The following RPS6KB1 variants were observed in gnomAD, a reference collection of about 807,000 sequenced individuals.
The protein encoded by RPS6KB1 is ribosomal protein S6 kinase B1.
Under a neutral mutation model 70.2 loss-of-function variants are expected in RPS6KB1, and 12 were observed. That is an observed-to-expected ratio of 0.17 (90% CI 0.11 to 0.28). RPS6KB1 has a LOEUF of 0.28. RPS6KB1 is among the 10% of genes least tolerant of loss of function. The pLI, the probability that RPS6KB1 is intolerant of heterozygous loss-of-function variation, is 1.00. For missense variants in RPS6KB1, 270 were observed against 646.6 expected (o/e 0.42, Z 6.32); for synonymous variants, 175 against 211.2 (o/e 0.83, Z 1.49).
At chr17:59,912,445 A>T in intron 2 of RPS6KB1, 1 of 385,406 alleles carries the variant, frequency 2.6e-6, no homozygotes, top group Non-Finnish European at 4.8e-6. Context: ...AAAATAAACA[A>T]TTATAAAAAT....
In RPS6KB1 at chr17:59,947,731, A is replaced by G. The variant is rs1019982421; in HGVS notation, c.*943A>G. On this transcript the variant is annotated 3_prime_UTR_variant, in exon 15 of 15. Transcript: ENST00000225577. The stretch of plus-strand genomic sequence containing the variant: ...CACCAGTATTTGGTTCAAGACACCA[A>G]ATGTCTTCAGCCCATGGCTGAAGAA... The G allele has an allele frequency of 4.5e-5, 30 of 661,318 alleles. No homozygotes were observed. Among genetic ancestry groups the G allele is most frequent in the Admixed American group, 1.5e-4 (6 of 40,310 alleles). The allele number at this position is 661,318 out of a possible 1,614,324, so 41.0% of individuals were successfully genotyped here. A position where few individuals can be genotyped will look rare whatever the true frequency, so the allele number is the denominator to read the frequency against.
chr17:59,900,217 CA>C (rs1568377296), intron 1 of RPS6KB1, among the ~76,000 whole-genome samples: 52 of 136,544 alleles, frequency 3.8e-4, no homozygotes, highest in Admixed American at 1.9e-3. Flanking sequence ...CACACACACA[CA>C]CACACACACA....
Position 59,893,917 on chromosome 17 carries a change from C to T in RPS6KB1, c.141+592C>T, listed in dbSNP as rs1189183032. On this transcript the variant is annotated intron_variant, in intron 1 of 14. Coordinates refer to ENST00000225577, the MANE Select transcript of RPS6KB1 (RefSeq NM_003161.4). The surrounding 1 kb of genome is among the most constrained non-coding windows in gnomAD (Gnocchi z 4.1). ...AGGGGGCTCTGCTGCATCTTCCAAT[C>T]TTCCAGGGTTTGTTTGTTTGCTTTT... 3.1e-6 allele frequency: 3 copies of T among 982,998 alleles called. No homozygotes were observed. In the East Asian group the frequency reaches 3.4e-4, roughly 112 times the overall value. The allele number at this position is 982,998 out of a possible 1,614,324, so 60.9% of individuals were successfully genotyped here.
chr17:59,896,258 A>C (rs956228948), intron 1 of RPS6KB1, among the ~76,000 whole-genome samples: 3 of 151,824 alleles, frequency 2.0e-5, no homozygotes, highest in Non-Finnish European at 4.4e-5. Flanking sequence ...CAATGGCGCT[A>C]TCTCGGCTCA....
intron 1 of RPS6KB1, among the ~76,000 whole-genome samples, chr17:59,894,936 A>G (rs991719962): frequency 2.0e-5 from 3 of 152,140 alleles, no homozygotes; most frequent in African/African-American, 7.2e-5. Context: ...AAATAAGACT[A>G]AATCAAAATC....
intron 4 of RPS6KB1, among the ~76,000 whole-genome samples, chr17:59,921,626 A>T (rs183574058): frequency 1.3e-5 from 2 of 152,254 alleles, no homozygotes; most frequent in East Asian, 3.9e-4. Context: ...TGGATTTATT[A>T]GTTCTCCTGG....
Position 59,946,919 on chromosome 17 carries a change from C to T in RPS6KB1, c.*131C>T, listed in dbSNP as rs1255263133. ...GTCATTACATAGAACACTTCAGACA[C>T]AGGAAAAATAAACGTGGATTTTAAA... is the stretch of plus-strand genomic sequence containing the variant. On this transcript the variant is annotated 3_prime_UTR_variant, in exon 15 of 15. Coordinates refer to ENST00000225577, the MANE Select transcript of RPS6KB1 (RefSeq NM_003161.4). The surrounding 1 kb of genome is among the most constrained non-coding windows in gnomAD (Gnocchi z 4.2). 1 of 1,495,468 alleles carries T rather than the reference C, an allele frequency of 6.7e-7. No individual in the cohort carries two copies. The highest frequency in any genetic ancestry group is 8.9e-7 in the Non-Finnish European group (1 of 1,124,460). 92.6% of individuals were successfully genotyped at this position (1,495,468 alleles called of 1,614,324 possible).
intron 4 of RPS6KB1, among the ~76,000 whole-genome samples, chr17:59,918,560 G>C (rs2043094134): frequency 6.6e-6 from 1 of 151,692 alleles, no homozygotes; most frequent in African/African-American, 2.4e-5. Context: ...AGCAGATATC[G>C]GGTTTCATCA....
chr17:59,934,011 A>T lies in RPS6KB1; in HGVS notation c.689-159A>T, dbSNP rs2044096585. 1 of 617,672 alleles carries T rather than the reference A, an allele frequency of 1.6e-6. No homozygotes were observed. Among genetic ancestry groups the T allele is most frequent in the Admixed American group, 2.8e-5 (1 of 35,192 alleles). 38.3% of individuals were successfully genotyped at this position (617,672 alleles called of 1,614,324 possible). On this transcript the variant is annotated intron_variant, in intron 7 of 14. Coordinates refer to ENST00000225577, the MANE Select transcript of RPS6KB1 (RefSeq NM_003161.4). This position sits in a 1 kb window ranked among gnomAD's most constrained non-coding sequence, Gnocchi z 4.8. ...TTTGCCCTAGCCTTAAACAGTTAGC[A>T]TCCCATTTTATGGATGGTACCTTGT... is the stretch of plus-strand genomic sequence containing the variant.
rs1025767376 is a variant in RPS6KB1 at position 59,949,881 on chromosome 17, A to G, written c.*3093A>G. The G allele has an allele frequency of 5.9e-5, 9 of 152,514 alleles. No homozygotes were observed. The highest frequency in any genetic ancestry group is 8.8e-5 in the Non-Finnish European group (6 of 67,948). 9.4% of individuals were successfully genotyped at this position (152,514 alleles called of 1,614,324 possible). On this transcript the variant is annotated 3_prime_UTR_variant, in exon 15 of 15. Transcript: ENST00000225577. ...CCTTGGATTATATATTTAATATAGG[A>G]CCTATTTTGAATATTCAGTTAATCA...
rs1330269711 is a variant in RPS6KB1 at position 59,933,797 on chromosome 17, AGTATGTTTATT to A, written c.689-371_689-361del. 2.6e-5 allele frequency among the ~76,000 whole-genome samples: 4 copies of A among 152,366 alleles called. No individual in the cohort carries two copies. The East Asian group carries it at 7.7e-4, about 29-fold the overall frequency. On this transcript the variant is annotated intron_variant, in intron 7 of 14. Transcript: ENST00000225577. ...TCACACCTTTGTTCAAAAGGTACAG[AGTATGTTTATT>A]GGGGTCTGTGTACGTAAACTAGACT...
intron 4 of RPS6KB1, among the ~76,000 whole-genome samples, chr17:59,924,344 T>C (rs925220547): frequency 2.0e-5 from 3 of 152,100 alleles, no homozygotes; most frequent in African/African-American, 7.2e-5. Context: ...AAAAAATCTT[T>C]TTCTCCTATA....
intron 5 of RPS6KB1, among the ~76,000 whole-genome samples, chr17:59,927,089 T>A (rs1307170645): frequency 6.7e-6 from 1 of 148,278 alleles, no homozygotes; most frequent in African/African-American, 2.5e-5. Context: ...TGTCTATTTA[T>A]TTTTTTTTTT....
rs1334035533 is a variant in RPS6KB1, at chr17:59,948,507, T to TTGA, written c.*1721_*1722insATG. 6.6e-6 allele frequency: 1 copy of TTGA among 152,638 alleles called. No homozygotes were observed. The highest frequency in any genetic ancestry group is 1.5e-5 in the Non-Finnish European group (1 of 68,044). The allele number at this position is 152,638 out of a possible 1,614,324, so 9.5% of individuals were successfully genotyped here. On this transcript the variant is annotated 3_prime_UTR_variant, in exon 15 of 15. Coordinates refer to ENST00000225577, the MANE Select transcript of RPS6KB1 (RefSeq NM_003161.4). ...AATTCAGTCAGAAAAGAGCAAGGCT[T>TTGA]TGCTTTTTGAAATTGCAACTCAAAT...
In RPS6KB1 at chr17:59,893,394, G is replaced by T. The variant is rs917937906; in HGVS notation, c.141+69G>T. On this transcript the variant is annotated intron_variant, in intron 1 of 14. Coordinates refer to ENST00000225577, the MANE Select transcript of RPS6KB1 (RefSeq NM_003161.4). The surrounding 1 kb of genome is among the most constrained non-coding windows in gnomAD (Gnocchi z 4.1). ...GCGGCGGCGCGGGCTCAGGAAGCGC[G>T]GTGTGTCCTAGAGCGTGGAGACCCA... 2.0e-6 allele frequency: 3 copies of T among 1,493,242 alleles called. No homozygotes were observed. Among genetic ancestry groups the T allele is most frequent in the Non-Finnish European group, 2.7e-6 (3 of 1,096,640 alleles). The allele number at this position is 1,493,242 out of a possible 1,614,324, so 92.5% of individuals were successfully genotyped here.
intron 1 of RPS6KB1, among the ~76,000 whole-genome samples, chr17:59,906,359 C>G (rs189744809): frequency 2.6e-4 from 40 of 151,734 alleles, no homozygotes; most frequent in Admixed American, 1.2e-3. Context: ...GCCTCCCTTC[C>G]CCTTCCCCTT....
intron 5 of RPS6KB1, among the ~76,000 whole-genome samples, chr17:59,927,665 C>T (rs1374267168): frequency 2.6e-5 from 4 of 151,496 alleles, no homozygotes; most frequent in Non-Finnish European, 5.9e-5. Context: ...CGCCACCACA[C>T]TTGGCTTTTT....
intron 4 of RPS6KB1, 71 bp downstream of exon 4, chr17:59,914,774 G>GATC: frequency 8.7e-7 from 1 of 1,143,976 alleles, no homozygotes; most frequent in Non-Finnish European, 1.3e-6. Context: ...AAAAGGCTGG[G>GATC]AAGCAATCAT....
At chr17:59,920,035 T>G (rs144971391) in intron 4 of RPS6KB1, among the ~76,000 whole-genome samples, 2 of 152,304 alleles carry the variant, frequency 1.3e-5, no homozygotes, top group African/African-American at 4.8e-5. Flanking sequence ...ACTGATGGAT[T>G]ATGTGTGTGT....
Sources: gnomAD v4.1 joint callset for allele counts (sites outside exome capture counted in the v4.1 genomes callset) on GRCh38, gnomAD v4.1.1 for gene constraint, Gnocchi (gnomAD v3.1) non-coding constraint, MANE v1.5 for transcripts, NCBI Gene and HGNC (gene_info 2026-07-23, HGNC 2026-07-21) for gene names.